Variants in NUDT3 observed in about 807,000 individuals in gnomAD.
The protein encoded by NUDT3 is diphosphoinositol polyphosphate phosphohydrolase 1.
NUDT3 carries 9 observed loss-of-function variants against 23.6 expected under a neutral mutation model. The ratio of observed to expected loss-of-function variants is 0.38; its 90% confidence interval spans 0.23 to 0.66. NUDT3 has a LOEUF of 0.66. Among genes scored for constraint, NUDT3 ranks in the 30% least tolerant of loss-of-function variants. The pLI is 0.52. For synonymous variants in NUDT3, 86 were observed against 82.6 expected, an observed-to-expected ratio of 1.04 and a Z score of -0.22; for missense variants, 172 against 218.5, an observed-to-expected ratio of 0.79 and a Z score of 1.34.
In NUDT3 at chr6:34,312,771, G is replaced by A. The variant is rs139408957; in HGVS notation, c.211-17086C>T. On this transcript the variant is annotated intron_variant, in intron 2 of 4. Transcript: ENST00000607016. The stretch of plus-strand genomic sequence containing the variant: ...ACTCGGAAGCAACGTCCGAGTCCAC[G>A]ATGTCCTTCAGTAGGTGAATGGATA... Among the ~76,000 whole-genome samples the A allele has an allele frequency of 2.4e-3, 373 of 152,334 alleles. 1 individual carries two copies. The highest frequency in any genetic ancestry group is 8.3e-3 in the African/African-American group (347 of 41,576).
At chr6:34,289,379 C>A (rs947949218) in intron 4 of NUDT3, among the ~76,000 whole-genome samples, 4 of 151,976 alleles carry the variant, frequency 2.6e-5, no homozygotes, top group Non-Finnish European at 5.9e-5. Context: ...CTGGCCTGAG[C>A]AACATGGCAA....
intron 1 of NUDT3, among the ~76,000 whole-genome samples, chr6:34,380,452 A>C (rs1389063646): frequency 6.6e-6 from 1 of 152,120 alleles, no homozygotes; most frequent in Non-Finnish European, 1.5e-5. Context: ...TCCTAGACTC[A>C]AGTAATCCTC....
chr6:34,316,374 G>A (rs905797978), intron 2 of NUDT3, among the ~76,000 whole-genome samples: 3 of 152,158 alleles, frequency 2.0e-5, no homozygotes, highest in African/African-American at 7.2e-5. Context: ...GAACACTTTA[G>A]TGGCATTAGA....
At chr6:34,369,932 C>G (rs959953254) in intron 1 of NUDT3, among the ~76,000 whole-genome samples, 1 of 151,734 alleles carries the variant, frequency 6.6e-6, no homozygotes, top group African/African-American at 2.4e-5. Context: ...ATCTTGGGGA[C>G]AAATCTGAGG....
chr6:34,314,916 A>G (rs575483791), intron 2 of NUDT3, among the ~76,000 whole-genome samples: 4 of 152,244 alleles, frequency 2.6e-5, no homozygotes, highest in Admixed American at 6.5e-5. Context: ...TAATTTGCCA[A>G]TACTATGCAG....
At chr6:34,388,107 A>C (rs1181710860) in intron 1 of NUDT3, among the ~76,000 whole-genome samples, 1 of 152,218 alleles carries the variant, frequency 6.6e-6, no homozygotes, top group Non-Finnish European at 1.5e-5. Context: ...TATTCAGTAC[A>C]GTCACATGCT....
At chr6:34,316,393 T>G (rs776949555) in intron 2 of NUDT3, among the ~76,000 whole-genome samples, 1 of 152,126 alleles carries the variant, frequency 6.6e-6, no homozygotes, top group South Asian at 2.1e-4. Context: ...GAGAGTCTCC[T>G]AGAAATTCCC....
At chr6:34,390,624 C>T (rs1765183045) in intron 1 of NUDT3, among the ~76,000 whole-genome samples, 1 of 152,096 alleles carries the variant, frequency 6.6e-6, no homozygotes. Context: ...TCCTGAAGTG[C>T]TAGGATTACA....
At chr6:34,387,436 G>C (rs1445428941) in intron 1 of NUDT3, among the ~76,000 whole-genome samples, 1 of 151,826 alleles carries the variant, frequency 6.6e-6, no homozygotes, top group Non-Finnish European at 1.5e-5. Context: ...TTCAACCAAA[G>C]AAAAAGCTTA....
chr6:34,309,352 T>A (rs1763733091), intron 2 of NUDT3, among the ~76,000 whole-genome samples: 1 of 151,944 alleles, frequency 6.6e-6, no homozygotes, highest in South Asian at 2.1e-4. Flanking sequence ...TGAATAAAAA[T>A]AAAAATATAA....
At position 34,288,824 on chromosome 6, in the gene NUDT3, T is replaced by C; in HGVS notation, c.448A>G (p.Asn150Asp). The change falls in exon 5 of 5, where the codon AAC (asparagine) becomes GAC (aspartate). Residue 150 changes from asparagine (N) to aspartate (D), a missense_variant. Transcript: ENST00000607016. ...FETLRQGYSA[N>D]NGTPVVATTY... is the part of the protein sequence containing the mutation. The stretch of plus-strand genomic sequence containing the variant: ...GTGGCCACGACTGGGGTGCCATTGT[T>C]GGCTGAGTAGCCTTGCCTCAATGTT... 1 of 1,614,162 alleles carries C rather than the reference T, an allele frequency of 6.2e-7. No homozygotes were observed.
At chr6:34,358,755 C>G (rs1420330437) in intron 1 of NUDT3, among the ~76,000 whole-genome samples, 4 of 152,038 alleles carry the variant, frequency 2.6e-5, no homozygotes, top group African/African-American at 9.7e-5. Flanking sequence ...AGAGAGTAGA[C>G]AGGGCACAAA....
chr6:34,392,516 G>A lies in NUDT3; in HGVS notation c.-154C>T, dbSNP rs1445185096. Reference sequence around the variant, plus strand: ...TACACGGCTCCGCCGCTGGCCCGCCGCGGCCGCCTCATTCCCCCAGGCCCA... The same window carrying A: ...TACACGGCTCCGCCGCTGGCCCGCCACGGCCGCCTCATTCCCCCAGGCCCA... On this transcript the variant is annotated 5_prime_UTR_variant, in exon 1 of 5. Transcript: ENST00000607016. 5 of 499,172 alleles carry A rather than the reference G, an allele frequency of 1.0e-5. No homozygotes were observed. Among genetic ancestry groups the A allele is most frequent in the Non-Finnish European group, 1.7e-5 (5 of 286,980 alleles). 30.9% of individuals were successfully genotyped at this position (499,172 alleles called of 1,614,324 possible). A position where few individuals can be genotyped will look rare whatever the true frequency, so the allele number is the denominator to read the frequency against.
At chr6:34,326,624 G>A (rs566295897) in intron 2 of NUDT3, among the ~76,000 whole-genome samples, 93 of 149,272 alleles carry the variant, frequency 6.2e-4, no homozygotes, top group African/African-American at 1.9e-3. Context: ...TTTTTGACAC[G>A]GAGTCTTGCT....
intron 3 of NUDT3, among the ~76,000 whole-genome samples, chr6:34,294,548 G>C (rs902935727): frequency 6.6e-6 from 1 of 151,824 alleles, no homozygotes; most frequent in Non-Finnish European, 1.5e-5. Flanking sequence ...CCAACATGGT[G>C]AAACCTGTCT....
At chr6:34,378,027 C>G (rs1264848832) in intron 1 of NUDT3, among the ~76,000 whole-genome samples, 1 of 151,888 alleles carries the variant, frequency 6.6e-6, no homozygotes, top group Non-Finnish European at 1.5e-5. Context: ...GGAAAAATGG[C>G]CAGGTGCAGC....
At chr6:34,344,428 A>G (rs1378734928) in intron 1 of NUDT3, among the ~76,000 whole-genome samples, 1 of 152,248 alleles carries the variant, frequency 6.6e-6, no homozygotes, top group East Asian at 1.9e-4. Context: ...AAGGGAAGGA[A>G]GCCAGGCACA....
intron 1 of NUDT3, among the ~76,000 whole-genome samples, chr6:34,356,513 G>T (rs967990604): frequency 6.6e-6 from 1 of 152,100 alleles, no homozygotes; most frequent in Non-Finnish European, 1.5e-5. Flanking sequence ...AAGGATTCAG[G>T]AGTTAACTTG....
intron 2 of NUDT3, among the ~76,000 whole-genome samples, chr6:34,299,090 G>T (rs1056359879): frequency 6.6e-6 from 1 of 152,140 alleles, no homozygotes; most frequent in African/African-American, 2.4e-5. Flanking sequence ...CTCAAATGCT[G>T]CCACAAGCAA....
Sources: gnomAD v4.1 joint callset for allele counts (sites outside exome capture counted in the v4.1 genomes callset) on GRCh38, gnomAD v4.1.1 for gene constraint, MANE v1.5 for transcripts, NCBI Gene and HGNC (gene_info 2026-07-23, HGNC 2026-07-21) for gene names.